Variants in ADIPOR2 observed in about 807,000 individuals in gnomAD.
The protein encoded by ADIPOR2 is adiponectin receptor 2.
A neutral mutation model predicts 40.9 loss-of-function variants in ADIPOR2; 18 were observed. The ratio of observed to expected loss-of-function variants is 0.44; its 90% CI spans 0.30 to 0.65. The LOEUF (loss-of-function observed/expected upper bound fraction) is 0.65. Among genes scored for constraint, ADIPOR2 ranks in the 30% least tolerant of loss-of-function variants. ADIPOR2 has a pLI of 0.09. For missense variants in ADIPOR2, 283 were observed against 479.2 expected, an observed-to-expected ratio of 0.59 and a Z score of 3.82; for synonymous variants, 165 against 166.4, an observed-to-expected ratio of 0.99 and a Z score of 0.06.
rs1862843282 is a variant in ADIPOR2, at chr12:1,786,648, G to A, written c.*576G>A. The A allele has an allele frequency of 6.5e-6, 1 of 153,098 alleles. No homozygotes were observed. Among genetic ancestry groups the A allele is most frequent in the African/African-American group, 2.4e-5 (1 of 41,454 alleles). 9.5% of individuals were successfully genotyped at this position (153,098 alleles called of 1,614,324 possible). A position where few individuals can be genotyped will look rare whatever the true frequency, so the allele number is the denominator to read the frequency against. ...TTTTTGTATAGAATGAAACATGCAA[G>A]TACCACACACTGTTTGAATTTTGCA... On this transcript the variant is annotated 3_prime_UTR_variant, in exon 8 of 8. Coordinates refer to ENST00000357103, the MANE Select transcript of ADIPOR2 (RefSeq NM_024551.3).
chr12:1,717,325 T>TA (rs757735633), intron 1 of ADIPOR2, among the ~76,000 whole-genome samples: 8 of 152,220 alleles, frequency 5.3e-5, no homozygotes, highest in Non-Finnish European at 1.2e-4. Context: ...ATTGCCTTTT[T>TA]ATCCTTTAAA....
chr12:1,707,337 A>T (rs1033304065), intron 1 of ADIPOR2, among the ~76,000 whole-genome samples: 25 of 152,074 alleles, frequency 1.6e-4, no homozygotes, highest in African/African-American at 6.0e-4. Flanking sequence ...TAAGTTAAAC[A>T]GTTTTTCAAA....
At chr12:1,757,850 G>A in intron 2 of ADIPOR2, 4 of 829,508 alleles carry the variant, frequency 4.8e-6, no homozygotes, top group South Asian at 4.0e-5. Flanking sequence ...CTCCTGTCAG[G>A]GCTTACTTAA....
chr12:1,725,721 A>G (rs2094706610), intron 1 of ADIPOR2, among the ~76,000 whole-genome samples: 1 of 152,200 alleles, frequency 6.6e-6, no homozygotes, highest in Non-Finnish European at 1.5e-5. Context: ...AATACATTAT[A>G]TTTTACTAAA....
chr12:1,751,350 T>C (rs775668529), intron 1 of ADIPOR2, among the ~76,000 whole-genome samples: 18 of 152,210 alleles, frequency 1.2e-4, no homozygotes, highest in Admixed American at 2.0e-4. Context: ...TTGATAGGAA[T>C]GTATATTGAT....
chr12:1,702,526 T>C (rs909655516), intron 1 of ADIPOR2, among the ~76,000 whole-genome samples: 1 of 152,162 alleles, frequency 6.6e-6, no homozygotes, highest in African/African-American at 2.4e-5. Flanking sequence ...TGTCTTAATT[T>C]TTATTTTTGA....
At chr12:1,751,123 G>T (rs57466340) in intron 1 of ADIPOR2, among the ~76,000 whole-genome samples, 8 of 151,750 alleles carry the variant, frequency 5.3e-5, no homozygotes, top group African/African-American at 1.7e-4. Context: ...CAGTTCTCTA[G>T]TGTGTTCTAG....
chr12:1,704,686 T>C (rs1279715065), intron 1 of ADIPOR2, among the ~76,000 whole-genome samples: 2 of 152,208 alleles, frequency 1.3e-5, no homozygotes, highest in South Asian at 4.1e-4. Flanking sequence ...CTTAACTTTC[T>C]AAGATGTTTG....
At chr12:1,728,400 C>T (rs1025700490) in intron 1 of ADIPOR2, among the ~76,000 whole-genome samples, 2 of 151,910 alleles carry the variant, frequency 1.3e-5, no homozygotes, top group African/African-American at 2.4e-5. Flanking sequence ...ATGAACACCA[C>T]ACCTGGCCTC....
intron 2 of ADIPOR2, among the ~76,000 whole-genome samples, chr12:1,767,533 A>G (rs140014190): frequency 6.6e-6 from 1 of 151,598 alleles, no homozygotes; most frequent in African/African-American, 2.4e-5. Flanking sequence ...CTTTGTTTTC[A>G]TTTGTTAGTA....
chr12:1,725,785 A>T lies in ADIPOR2; in HGVS notation c.-86-28473A>T, dbSNP rs372259025. 4.5e-4 allele frequency among the ~76,000 whole-genome samples: 69 copies of T among 152,316 alleles called. 1 individual carries two copies. In the South Asian group the frequency reaches 0.014, roughly 31 times the overall value. On this transcript the variant is annotated intron_variant, in intron 1 of 7. Coordinates refer to ENST00000357103, the MANE Select transcript of ADIPOR2 (RefSeq NM_024551.3). ...CAAATTAATAATAAAGCCTACGTTA[A>T]TGCATTGTACTAATCTGTCTTGGTG...
intron 3 of ADIPOR2, among the ~76,000 whole-genome samples, chr12:1,775,216 G>A (rs1862565913): frequency 6.6e-6 from 1 of 152,208 alleles, no homozygotes; most frequent in South Asian, 2.1e-4. Context: ...GATATTTGAA[G>A]GTAGGCAGTG....
intron 1 of ADIPOR2, among the ~76,000 whole-genome samples, chr12:1,733,723 C>T (rs541629884): frequency 1.3e-5 from 2 of 151,834 alleles, no homozygotes; most frequent in East Asian, 1.9e-4. Flanking sequence ...AATCATTTAA[C>T]GTTAGGTATA....
At chr12:1,709,733 T>A (rs1938166432) in intron 1 of ADIPOR2, among the ~76,000 whole-genome samples, 1 of 152,174 alleles carries the variant, frequency 6.6e-6, no homozygotes, top group Non-Finnish European at 1.5e-5. Flanking sequence ...TGGTAAAATA[T>A]TCAATTTTAT....
At position 1,696,890 on chromosome 12, in the gene ADIPOR2, T is replaced by C. The variant is rs16928652; in HGVS notation, c.-87+5699T>C. ...CTAGGGGACATTGAGCTATTACCTC[T>C]TATAGCACTGATTTGGACTGTCATG... On this transcript the variant is annotated intron_variant, in intron 1 of 7. Coordinates refer to ENST00000357103, the MANE Select transcript of ADIPOR2 (RefSeq NM_024551.3). 2.3e-3 allele frequency: 347 copies of C among 153,618 alleles called. 10 individuals are homozygous for C. In the East Asian group the frequency reaches 0.057, roughly 25 times the overall value. The allele number at this position is 153,618 out of a possible 1,614,324, so 9.5% of individuals were successfully genotyped here. A position where few individuals can be genotyped will look rare whatever the true frequency, so the allele number is the denominator to read the frequency against.
At chr12:1,749,307 A>G (rs2154443287) in intron 1 of ADIPOR2, among the ~76,000 whole-genome samples, 1 of 152,298 alleles carries the variant, frequency 6.6e-6, no homozygotes, top group South Asian at 2.1e-4. Flanking sequence ...CCCCAAGGGC[A>G]TAGATGGGAC....
At chr12:1,710,496 A>C (rs1002981285) in intron 1 of ADIPOR2, among the ~76,000 whole-genome samples, 1 of 152,004 alleles carries the variant, frequency 6.6e-6, no homozygotes, top group African/African-American at 2.4e-5. Context: ...TTTCCTTACA[A>C]TTCAGGGGCT....
chr12:1,737,619 G>C (rs1565643463), intron 1 of ADIPOR2, among the ~76,000 whole-genome samples: 1 of 152,184 alleles, frequency 6.6e-6, no homozygotes, highest in Non-Finnish European at 1.5e-5. Flanking sequence ...GTCTCACTCT[G>C]TCACCCAGGC....
At chr12:1,727,646 G>A (rs4140992) in intron 1 of ADIPOR2, among the ~76,000 whole-genome samples, 58,009 of 151,582 alleles carry the variant, frequency 0.38, 12,658 homozygotes, top group Non-Finnish European at 0.5. Context: ...TCCAAGAATC[G>A]AAACCCTTGG....
Sources: gnomAD v4.1 joint callset for allele counts (sites outside exome capture counted in the v4.1 genomes callset) on GRCh38, gnomAD v4.1.1 for gene constraint, MANE v1.5 for transcripts, NCBI Gene and HGNC (gene_info 2026-07-23, HGNC 2026-07-21) for gene names.